PAPPA: variants seen among roughly 807,000 people sequenced by gnomAD.
PAPPA encodes pappalysin 1, also known as pappalysin-1.
A neutral mutation model predicts 164.0 loss-of-function variants in PAPPA; 60 were observed. The ratio of observed to expected loss-of-function variants is 0.37; its 90% CI spans 0.30 to 0.45. PAPPA has a LOEUF of 0.45. Among genes scored for constraint, PAPPA ranks in the 20% least tolerant of loss-of-function variants. The pLI, the probability that PAPPA is intolerant of heterozygous loss-of-function variation, is 1.00. For synonymous variants in PAPPA, 875 were observed against 814.1 expected (o/e 1.07, Z -1.27); for missense variants, 1,782 against 2,087.3 (o/e 0.85, Z 2.85).
rs376600999 is a variant in PAPPA, at chr9:116,193,023, A to G, written c.1478+4807A>G. 1.6e-3 allele frequency among the ~76,000 whole-genome samples: 249 copies of G among 152,230 alleles called. 1 individual carries two copies. The South Asian group carries it at 0.019, about 11-fold the overall frequency. On this transcript the variant is annotated intron_variant, in intron 2 of 21. Coordinates refer to ENST00000328252, the MANE Select transcript of PAPPA (RefSeq NM_002581.5). ...TGAATATCTACTCATACAAAATGGG[A>G]TGGGTGGAAAAAAAGACACTTTCCC...
chr9:116,269,709 G>A lies in PAPPA; in HGVS notation c.2862-1616G>A, dbSNP rs140006331. Among the ~76,000 whole-genome samples, 146 of 152,294 alleles carry A rather than the reference G, an allele frequency of 9.6e-4. 1 individual carries two copies. Among genetic ancestry groups the A allele is most frequent in the Non-Finnish European group, 1.6e-3 (106 of 68,030 alleles). On this transcript the variant is annotated intron_variant, in intron 8 of 21. Coordinates refer to ENST00000328252, the MANE Select transcript of PAPPA (RefSeq NM_002581.5). The stretch of plus-strand genomic sequence containing the variant: ...ACCAGTAGAACACTGTTTGGGTGGC[G>A]ATGGAAGGGAGGTTGAAAGTAAGCT...
chr9:116,254,322 A>G (rs559683020), intron 7 of PAPPA, among the ~76,000 whole-genome samples: 3 of 152,348 alleles, frequency 2.0e-5, no homozygotes, highest in East Asian at 3.9e-4. Flanking sequence ...ATTTATTCAG[A>G]AATTTTAAAA....
intron 10 of PAPPA, among the ~76,000 whole-genome samples, chr9:116,323,582 T>A (rs1845886550): frequency 2.0e-5 from 3 of 152,142 alleles, no homozygotes; most frequent in African/African-American, 7.2e-5. Context: ...AAAAAACACA[T>A]TGCTAGAAAG....
chr9:116,357,414 T>A (rs1380039141), intron 17 of PAPPA, among the ~76,000 whole-genome samples: 9 of 152,220 alleles, frequency 5.9e-5, no homozygotes, highest in Non-Finnish European at 1.0e-4. Flanking sequence ...GAGTGTCAAA[T>A]GTGTGCCAAG....
intron 9 of PAPPA, among the ~76,000 whole-genome samples, chr9:116,290,658 T>TTTTC (rs942926264): frequency 2.0e-5 from 3 of 152,022 alleles, no homozygotes; most frequent in Non-Finnish European, 4.4e-5. Context: ...ATTTTCTCTC[T>TTTTC]TTTCTTTCTC....
intron 21 of PAPPA, among the ~76,000 whole-genome samples, chr9:116,395,628 T>TATCA (rs1391765733): frequency 6.6e-6 from 1 of 152,224 alleles, no homozygotes; most frequent in Non-Finnish European, 1.5e-5. Context: ...GGGCTCTTCC[T>TATCA]ATCAGTTTGC....
Position 116,396,617 on chromosome 9 carries a change from G to A in PAPPA, c.*1G>A. 1 of 780,392 alleles carries A rather than the reference G, an allele frequency of 1.3e-6. No homozygotes were observed. Among genetic ancestry groups the A allele is most frequent in the Admixed American group, 1.7e-5 (1 of 58,916 alleles). The allele number at this position is 780,392 out of a possible 1,614,324, so 48.3% of individuals were successfully genotyped here. A position where few individuals can be genotyped will look rare whatever the true frequency, so the allele number is the denominator to read the frequency against. On this transcript the variant is annotated 3_prime_UTR_variant, in exon 22 of 22. Transcript: ENST00000328252. ...CCTCCGGGGATACAGCCATGGCTAA[G>A]GAAGGACAAGAAGTTGTCAAAGAAT...
chr9:116,300,260 C>CCTTTG (rs142719560), intron 9 of PAPPA, among the ~76,000 whole-genome samples: 4 of 150,590 alleles, frequency 2.7e-5, no homozygotes, highest in Admixed American at 6.6e-5. Flanking sequence ...TTCTGTTTTT[C>CCTTTG]TTTTGTTTTG....
At chr9:116,385,269 ATAAATAAATAAATAAT>A (rs1846792899) in intron 21 of PAPPA, among the ~76,000 whole-genome samples, 1 of 81,704 alleles carries the variant, frequency 1.2e-5, no homozygotes, top group Admixed American at 1.2e-4. Context: ...AAATAAATAA[ATAAATAAATAAATAAT>A]AATTTGGAAT....
At chr9:116,207,849 C>T (rs543938884) in intron 3 of PAPPA, among the ~76,000 whole-genome samples, 6 of 152,270 alleles carry the variant, frequency 3.9e-5, no homozygotes, top group African/African-American at 1.4e-4. Flanking sequence ...AAATGAGACC[C>T]AGAGAGGAAA....
intron 1 of PAPPA, among the ~76,000 whole-genome samples, chr9:116,182,547 C>G (rs1843919232): frequency 2.6e-5 from 4 of 152,110 alleles, no homozygotes; most frequent in Admixed American, 2.6e-4. Context: ...TAATATTTAC[C>G]ATGATGATCT....
At chr9:116,282,229 A>T (rs962502126) in intron 9 of PAPPA, among the ~76,000 whole-genome samples, 3 of 152,208 alleles carry the variant, frequency 2.0e-5, no homozygotes, top group African/African-American at 7.2e-5. Context: ...TCATCTCTAG[A>T]TTACTTCTAA....
chr9:116,285,124 CTTTTCT>C (rs1466710052), intron 9 of PAPPA, among the ~76,000 whole-genome samples: 2 of 142,218 alleles, frequency 1.4e-5, no homozygotes, highest in African/African-American at 2.6e-5. Flanking sequence ...ATTTGCTTTT[CTTTTCT>C]TTTTCTTTTT....
intron 7 of PAPPA, among the ~76,000 whole-genome samples, chr9:116,236,861 C>T (rs543680902): frequency 5.9e-5 from 9 of 152,238 alleles, no homozygotes; most frequent in Admixed American, 1.3e-4. Flanking sequence ...AGTTAGGAAG[C>T]GGTGAAGGTA....
chr9:116,207,546 G>A lies in PAPPA; in HGVS notation c.1569G>A (p.Glu523=). Residue 523 remains glutamate (E), a synonymous_variant, in exon 3 of 22, where the codon GAG becomes GAA. Coordinates refer to ENST00000328252, the MANE Select transcript of PAPPA (RefSeq NM_002581.5). The part of the protein sequence containing the change: ...LNIFFAKSSE[E]ELAGVATWPW... ...TTTTCTTTGCAAAATCCTCAGAGGA[G>A]GAGTTGGCAGGAGTAGCAACTTGGC... 6.2e-7 allele frequency: 1 copy of A among 1,613,626 alleles called. No individual in the cohort carries two copies. Among genetic ancestry groups the A allele is most frequent in the Non-Finnish European group, 8.5e-7 (1 of 1,179,692 alleles).
chr9:116,265,859 A>G lies in PAPPA; in HGVS notation c.2735A>G (p.Asp912Gly). 1 of 1,596,142 alleles carries G rather than the reference A, an allele frequency of 6.3e-7. No homozygotes were observed. Among genetic ancestry groups the G allele is most frequent in the Non-Finnish European group, 8.6e-7 (1 of 1,165,656 alleles). ...TATGTCTTCTTTGTATTTTCCAGGG[A>G]TCTAAATCTTGGCAGTGTGTACCAG... Reference protein sequence around the residue: ...LHLNRKFVDMDLNLGSVYQYW... With the variant: ...LHLNRKFVDMGLNLGSVYQYW... Residue 912 changes from aspartate (D) to glycine (G), a missense_variant and splice_region_variant, in exon 8 of 22, where the codon GAT becomes GGT. Asp to Gly is a moderately conservative substitution (Grantham distance 94, BLOSUM62 -1). This residue lies in a region of PAPPA where 1,324 missense variants were observed against 1,656.9 expected (regional missense o/e 0.80). Coordinates refer to ENST00000328252, the MANE Select transcript of PAPPA (RefSeq NM_002581.5).
intron 17 of PAPPA, among the ~76,000 whole-genome samples, chr9:116,354,191 G>A (rs796277770): frequency 1.3e-5 from 2 of 152,142 alleles, no homozygotes; most frequent in South Asian, 2.1e-4. Context: ...ACCATATTTA[G>A]ATGAGAAGTA....
At chr9:116,383,588 C>T (rs1441640219) in intron 21 of PAPPA, among the ~76,000 whole-genome samples, 1 of 152,134 alleles carries the variant, frequency 6.6e-6, no homozygotes, top group African/African-American at 2.4e-5. Context: ...TTGCAACATC[C>T]TTAGGAGAGT....
At chr9:116,289,987 C>G (rs919855356) in intron 9 of PAPPA, among the ~76,000 whole-genome samples, 22 of 152,114 alleles carry the variant, frequency 1.4e-4, no homozygotes, top group African/African-American at 4.8e-4. Context: ...TTAGAAAAGC[C>G]ATTTGATAAT....
Sources: allele counts gnomAD v4.1 joint callset (sites outside exome capture counted in the v4.1 genomes callset), GRCh38; gene constraint gnomAD v4.1.1; regional missense constraint gnomAD v4.1.1; transcripts MANE v1.5; gene names NCBI Gene and HGNC (gene_info 2026-07-23, HGNC 2026-07-21).